The following NFIL3 variants were observed in gnomAD, a reference collection of about 807,000 sequenced individuals.
NFIL3 encodes nuclear factor interleukin-3-regulated protein.
NFIL3 carries 5 observed loss-of-function variants against 10.0 expected under a neutral mutation model. The observed-to-expected ratio is 0.50, with a 90% CI of 0.26 to 1.06. The LOEUF is 1.06. Ranked by LOEUF, NFIL3 falls within the 50% of genes least tolerant of loss-of-function variation. The pLI, the probability that NFIL3 is intolerant of heterozygous loss-of-function variation, is 0.13. For synonymous variants in NFIL3, 202 were observed against 206.5 expected, an observed-to-expected ratio of 0.98 and a Z score of 0.19; for missense variants, 436 against 547.6, an observed-to-expected ratio of 0.80 and a Z score of 2.03.
chr9:91,445,320 C>T, the NFIL3 span, among the ~76,000 whole-genome samples: 7 of 152,182 alleles, frequency 4.6e-5, no homozygotes, highest in Non-Finnish European at 1.0e-4. Flanking sequence ...ATGACAGTAA[C>T]CCAGGCTCTG....
the NFIL3 span, among the ~76,000 whole-genome samples, chr9:91,458,353 C>T: frequency 6.6e-6 from 1 of 152,020 alleles, no homozygotes; most frequent in Non-Finnish European, 1.5e-5. Context: ...TTATCTTCTT[C>T]AGTGAGCTTT....
At chr9:91,474,820 GAAAC>G in the NFIL3 span, among the ~76,000 whole-genome samples, 3 of 152,154 alleles carry the variant, frequency 2.0e-5, no homozygotes, top group Admixed American at 6.5e-5. Flanking sequence ...GGGCAATAGG[GAAAC>G]AAACCAGTGT....
chr9:91,480,222 C>T, the NFIL3 span, among the ~76,000 whole-genome samples: 1 of 151,470 alleles, frequency 6.6e-6, no homozygotes, highest in Admixed American at 6.6e-5. Context: ...GGCTCACTGC[C>T]TCTTCATTCT....
At chr9:91,411,857 C>T (rs1165392702) in intron 1 of NFIL3, among the ~76,000 whole-genome samples, 1 of 152,032 alleles carries the variant, frequency 6.6e-6, no homozygotes, top group Non-Finnish European at 1.5e-5. Flanking sequence ...AATCCCAGCA[C>T]TTTGGTAGGC....
chr9:91,434,986 G>C, the NFIL3 span, among the ~76,000 whole-genome samples: 13 of 152,212 alleles, frequency 8.5e-5, no homozygotes, highest in African/African-American at 3.1e-4. Context: ...AAGGCTGCCT[G>C]TAGGTGACAT....
the NFIL3 span, among the ~76,000 whole-genome samples, chr9:91,478,130 G>C: frequency 1.3e-5 from 2 of 152,012 alleles, no homozygotes; most frequent in Non-Finnish European, 2.9e-5. Flanking sequence ...ATGTGTCTTG[G>C]GGTTGCTCTT....
chr9:91,420,673 G>A (rs1564158740), intron 1 of NFIL3, among the ~76,000 whole-genome samples: 1 of 152,160 alleles, frequency 6.6e-6, no homozygotes, highest in East Asian at 1.9e-4. Flanking sequence ...AAGAAAGCAA[G>A]TTTTCGGTCA....
intron 1 of NFIL3, among the ~76,000 whole-genome samples, chr9:91,423,352 G>A (rs1316698580): frequency 2.0e-5 from 3 of 152,318 alleles, no homozygotes; most frequent in Admixed American, 6.5e-5. Context: ...GAAATCAGGA[G>A]ACATTATGCA....
chr9:91,465,204 T>C, the NFIL3 span, among the ~76,000 whole-genome samples: 1 of 152,176 alleles, frequency 6.6e-6, no homozygotes, highest in East Asian at 1.9e-4. Flanking sequence ...TTTTCTTCTC[T>C]TTTGATATTT....
chr9:91,418,314 T>C (rs981604289), intron 1 of NFIL3, among the ~76,000 whole-genome samples: 4 of 152,222 alleles, frequency 2.6e-5, no homozygotes, highest in Admixed American at 2.0e-4. Flanking sequence ...AAAAGATAAC[T>C]GATCAGTGTA....
At chr9:91,456,527 G>A in the NFIL3 span, among the ~76,000 whole-genome samples, 1 of 151,966 alleles carries the variant, frequency 6.6e-6, no homozygotes, top group African/African-American at 2.4e-5. Flanking sequence ...CTTTCCTGAA[G>A]TGTTGACACA....
intron 1 of NFIL3, 31 bp downstream of exon 1, chr9:91,423,609 G>A (rs1294241570): frequency 6.8e-6 from 1 of 146,632 alleles, no homozygotes; most frequent in Non-Finnish European, 1.5e-5. Context: ...CGGTCGCCGG[G>A]CCCCCGGCCG....
chr9:91,424,124 ACGGCCCACG>A (rs901753708), upstream of NFIL3, among the ~76,000 whole-genome samples: 6 of 151,838 alleles, frequency 4.0e-5, no homozygotes, highest in African/African-American at 1.4e-4. Context: ...GTGTTGCGCA[ACGGCCCACG>A]CGGCCGACAC....
At chr9:91,415,889 A>C (rs1587964693) in intron 1 of NFIL3, among the ~76,000 whole-genome samples, 1 of 152,076 alleles carries the variant, frequency 6.6e-6, no homozygotes, top group African/African-American at 2.4e-5. Context: ...AGCCTCCCAA[A>C]GTGCTGGGAT....
chr9:91,410,874 C>T lies in NFIL3; in HGVS notation c.-140G>A. ...CCGTCTGGGATAAATCCGTCAGGCT[C>T]CTTATTGAATGAAGTTGGGCCTCCT... On this transcript the variant is annotated 5_prime_UTR_variant, in exon 2 of 2. Coordinates refer to ENST00000297689, the MANE Select transcript of NFIL3 (RefSeq NM_005384.3). The surrounding 1 kb of genome is among the most constrained non-coding windows in gnomAD (Gnocchi z 5.7). 2 of 888,390 alleles carry T rather than the reference C, an allele frequency of 2.3e-6. No individual in the cohort carries two copies. Among genetic ancestry groups the T allele is most frequent in the Non-Finnish European group, 1.6e-6 (1 of 607,866 alleles). The allele number at this position is 888,390 out of a possible 1,614,324, so 55.0% of individuals were successfully genotyped here.
chr9:91,445,400 G>C, the NFIL3 span, among the ~76,000 whole-genome samples: 1 of 152,224 alleles, frequency 6.6e-6, no homozygotes. Flanking sequence ...GAGGACCGGG[G>C]AGTAGACAGT....
In NFIL3 at chr9:91,423,723, C is replaced by T. The variant is rs1833818754; in HGVS notation, c.-256G>A. ...CCGGCGCTCGGGGCTCGGGCCGGGC[C>T]GGGCCTCCGGGGCCGCGGCGGGAGG... On this transcript the variant is annotated 5_prime_UTR_variant, in exon 1 of 2. Transcript: ENST00000297689. The T allele has an allele frequency of 7.1e-6, 1 of 141,842 alleles. No homozygotes were observed. Among genetic ancestry groups the T allele is most frequent in the African/African-American group, 2.5e-5 (1 of 39,852 alleles). The allele number at this position is 141,842 out of a possible 1,614,324, so 8.8% of individuals were successfully genotyped here. A position where few individuals can be genotyped will look rare whatever the true frequency, so the allele number is the denominator to read the frequency against.
chr9:91,436,239 G>A, the NFIL3 span, among the ~76,000 whole-genome samples: 2 of 152,200 alleles, frequency 1.3e-5, no homozygotes, highest in African/African-American at 4.8e-5. Context: ...CAGGGAAAGA[G>A]CCTGCATGAT....
upstream of NFIL3, among the ~76,000 whole-genome samples, chr9:91,424,354 G>A (rs1408632764): frequency 2.0e-5 from 3 of 152,188 alleles, no homozygotes; most frequent in South Asian, 4.1e-4. Context: ...CTACCCGGGC[G>A]TGGCCCGGAC....
Sources: allele counts gnomAD v4.1 joint callset (sites outside exome capture counted in the v4.1 genomes callset), GRCh38; gene constraint gnomAD v4.1.1; non-coding constraint Gnocchi (gnomAD v3.1); transcripts MANE v1.5; gene names NCBI Gene and HGNC (gene_info 2026-07-23, HGNC 2026-07-21).